ZC3H8: variants seen among roughly 807,000 people sequenced by gnomAD.
ZC3H8 encodes the protein zinc finger CCCH-type containing 8.
A neutral mutation model predicts 42.5 loss-of-function variants in ZC3H8; 27 were observed. That is an observed-to-expected ratio of 0.64 (90% CI 0.47 to 0.88). The LOEUF is 0.88. ZC3H8 is among the 40% of genes least tolerant of loss of function. The pLI is 0.00. For missense variants in ZC3H8, 277 were observed against 336.1 expected, an observed-to-expected ratio of 0.82 and a Z score of 1.37; for synonymous variants, 101 against 110.1, an observed-to-expected ratio of 0.92 and a Z score of 0.52.
chr2:112,238,627 T>G, intron 2 of ZC3H8, 99 bp from the exon 3 acceptor site: 1 of 908,440 alleles, frequency 1.1e-6, no homozygotes, highest in African/African-American at 1.7e-5. Context: ...TGGTCATTGT[T>G]GAAGGTGGGT....
At position 112,231,895 on chromosome 2, in the gene ZC3H8, T is replaced by C. The variant is rs773511770; in HGVS notation, c.786A>G (p.Glu262=). 5.7e-6 allele frequency: 9 copies of C among 1,591,026 alleles called. No homozygotes were observed. The highest frequency in any genetic ancestry group is 3.4e-5 in the Admixed American group (2 of 59,392). The change falls in exon 7 of 9, where the codon GAA becomes GAG. Residue 262 remains glutamate, a synonymous_variant. Coordinates refer to ENST00000409573, the MANE Select transcript of ZC3H8 (RefSeq NM_032494.3). ...YHTGTKCYQG[E]YCKFSHAPLT... ...GTGGAGCATGAGAAAACTTGCAGTA[T>C]TCTCCCTGATAACATTTTGTTCCTG...
chr2:112,253,380 A>AG (rs1346442859), intron 1 of ZC3H8, among the ~76,000 whole-genome samples: 1 of 152,238 alleles, frequency 6.6e-6, no homozygotes, highest in Non-Finnish European at 1.5e-5. Context: ...TGAATGAATG[A>AG]GAAGTATTCC....
chr2:112,235,513 T>C (rs994924182), intron 4 of ZC3H8, among the ~76,000 whole-genome samples: 7 of 152,134 alleles, frequency 4.6e-5, no homozygotes, highest in Admixed American at 1.3e-4. Flanking sequence ...TCATAAAATA[T>C]GGAGGCAGGG....
chr2:112,255,037 G>T lies in ZC3H8; in HGVS notation c.-56C>A. On this transcript the variant is annotated 5_prime_UTR_variant, in exon 1 of 9. Coordinates refer to ENST00000409573, the MANE Select transcript of ZC3H8 (RefSeq NM_032494.3). ...GGGAAGCTACAGAGTAACAACCCGAGAGAGTGACAACCCGGACGCGACGAG... is the reference window on the plus strand; with the variant it reads ...GGGAAGCTACAGAGTAACAACCCGATAGAGTGACAACCCGGACGCGACGAG... 6.5e-7 allele frequency: 1 copy of T among 1,537,044 alleles called. No homozygotes were observed.
At chr2:112,230,479 T>TAAAC (rs1173857796) in intron 8 of ZC3H8, among the ~76,000 whole-genome samples, 6 of 152,076 alleles carry the variant, frequency 3.9e-5, no homozygotes, top group Non-Finnish European at 7.4e-5. Context: ...ATAACTAATA[T>TAAAC]AAACATAAAG....
intron 4 of ZC3H8, among the ~76,000 whole-genome samples, chr2:112,236,007 G>A (rs745390319): frequency 4.1e-4 from 62 of 151,954 alleles, no homozygotes; most frequent in Non-Finnish European, 6.9e-4. Context: ...CAGCACTTAG[G>A]GAGGTGGTGG....
At chr2:112,252,387 T>C (rs187920606) in intron 1 of ZC3H8, among the ~76,000 whole-genome samples, 75 of 152,350 alleles carry the variant, frequency 4.9e-4, no homozygotes, top group African/African-American at 1.8e-3. Context: ...CAGTTTATTC[T>C]ATCTTCAACA....
rs568609349 is a variant in ZC3H8 at position 112,248,568 on chromosome 2, G to A, written c.156+1623C>T. Among the ~76,000 whole-genome samples the A allele has an allele frequency of 2.8e-4, 42 of 151,984 alleles. No individual in the cohort carries two copies. In the South Asian group the frequency reaches 7.1e-3, roughly 26 times the overall value. On this transcript the variant is annotated intron_variant, in intron 2 of 8. Coordinates refer to ENST00000409573, the MANE Select transcript of ZC3H8 (RefSeq NM_032494.3). ...TGCAATGGCATGATATCGGCTCACCGCAACCTCTGCCTCCCGGGTTTAAGC... is the reference window on the plus strand; with the variant it reads ...TGCAATGGCATGATATCGGCTCACCACAACCTCTGCCTCCCGGGTTTAAGC...
intron 2 of ZC3H8, among the ~76,000 whole-genome samples, chr2:112,249,350 C>T (rs1685866014): frequency 6.6e-6 from 1 of 152,168 alleles, no homozygotes; most frequent in Non-Finnish European, 1.5e-5. Flanking sequence ...TAGATTCTTC[C>T]CCACAGCCTC....
At position 112,227,879 on chromosome 2, in the gene ZC3H8, C is replaced by T. The variant is rs192820041; in HGVS notation, c.*15+3024G>A. ...TCAGAATTCTATGTGCAATTTTCCA[C>T]AGATGCAATGCAATCCCTATCAAAA... On this transcript the variant is annotated intron_variant, in intron 8 of 8. Coordinates refer to ENST00000409573, the MANE Select transcript of ZC3H8 (RefSeq NM_032494.3). Among the ~76,000 whole-genome samples, 576 of 122,204 alleles carry T rather than the reference C, an allele frequency of 4.7e-3. 7 individuals are homozygous for T. Among genetic ancestry groups the T allele is most frequent in the African/African-American group, 0.014 (558 of 39,286 alleles). The allele number at this position is 122,204 out of a possible 152,430, so 80.2% of individuals were successfully genotyped here.
intron 2 of ZC3H8, among the ~76,000 whole-genome samples, chr2:112,246,348 G>C (rs1034046895): frequency 1.3e-5 from 2 of 152,150 alleles, no homozygotes; most frequent in Non-Finnish European, 2.9e-5. Context: ...ACTTTTTAAG[G>C]TTATAGTAGC....
rs1444645232 is a variant in ZC3H8, at chr2:112,214,452, T to G, written c.*2032A>C. ...ACTTTCTGGCTTTATTTCTCCTGGT[T>G]TGAATTTTTTAGACTATGGTTTTAT... is the stretch of plus-strand genomic sequence containing the variant. On this transcript the variant is annotated 3_prime_UTR_variant, in exon 9 of 9. Transcript: ENST00000409573. The G allele has an allele frequency of 2.0e-5, 3 of 152,106 alleles. No individual in the cohort carries two copies. Among genetic ancestry groups the G allele is most frequent in the Non-Finnish European group, 4.4e-5 (3 of 68,024 alleles). The allele number at this position is 152,106 out of a possible 1,614,324, so 9.4% of individuals were successfully genotyped here.
intron 2 of ZC3H8, among the ~76,000 whole-genome samples, chr2:112,241,906 G>A (rs1685599421): frequency 6.6e-6 from 1 of 152,162 alleles, no homozygotes; most frequent in African/African-American, 2.4e-5. Context: ...TAAAAAACTT[G>A]AAAAGGGGTC....
At chr2:112,241,662 C>A (rs2104664030) in intron 2 of ZC3H8, among the ~76,000 whole-genome samples, 1 of 152,336 alleles carries the variant, frequency 6.6e-6, no homozygotes, top group African/African-American at 2.4e-5. Flanking sequence ...CTGTCACTAA[C>A]ACAAATCACA....
In ZC3H8 at chr2:112,255,010, C is replaced by T. The variant is rs757090084; in HGVS notation, c.-29G>A. The T allele has an allele frequency of 1.9e-6, 3 of 1,582,106 alleles. No individual in the cohort carries two copies. In the African/African-American group the frequency reaches 4.0e-5, roughly 21 times the overall value. ...CCAGACAGGTCCTCCCTTTCGCGAG[C>T]CGGGAAGCTACAGAGTAACAACCCG... On this transcript the variant is annotated 5_prime_UTR_variant, in exon 1 of 9. Coordinates refer to ENST00000409573, the MANE Select transcript of ZC3H8 (RefSeq NM_032494.3).
chr2:112,235,410 T>C (rs1007517436), intron 4 of ZC3H8, among the ~76,000 whole-genome samples: 13 of 152,180 alleles, frequency 8.5e-5, no homozygotes, highest in Non-Finnish European at 1.5e-4. Context: ...AAAGAGAATA[T>C]TGACAGGGGG....
rs199963373 is a variant in ZC3H8 at position 112,233,642 on chromosome 2, C to T, written c.622-271G>A. Among the ~76,000 whole-genome samples the T allele has an allele frequency of 4.6e-5, 7 of 152,038 alleles. No individual in the cohort carries two copies. The East Asian group carries it at 1.3e-3, about 29-fold the overall frequency. On this transcript the variant is annotated intron_variant, in intron 5 of 8. Transcript: ENST00000409573. ...CCAGCACTTTGGAGGCCGAGGTGCG[C>T]GGATCATGAGGTCAGGAGATCGAGA...
At position 112,253,081 on chromosome 2, in the gene ZC3H8, C is replaced by G. The variant is rs1293944410; in HGVS notation, c.74+1827G>C. On this transcript the variant is annotated intron_variant, in intron 1 of 8. Coordinates refer to ENST00000409573, the MANE Select transcript of ZC3H8 (RefSeq NM_032494.3). ...CCCGGAAGGCAGAGCTTGCAGTGAG[C>G]CGAGATCGCGCCACTGCACCCCAGC... 2.6e-5 allele frequency among the ~76,000 whole-genome samples: 4 copies of G among 152,130 alleles called. No individual in the cohort carries two copies. In the East Asian group the frequency reaches 7.7e-4, roughly 29 times the overall value.
intron 8 of ZC3H8, among the ~76,000 whole-genome samples, chr2:112,228,752 A>G (rs1331442274): frequency 6.6e-6 from 1 of 152,230 alleles, no homozygotes; most frequent in African/African-American, 2.4e-5. Flanking sequence ...TACGACATCA[A>G]AATGAAAACT....
Sources: gnomAD v4.1 joint callset for allele counts (sites outside exome capture counted in the v4.1 genomes callset) on GRCh38, gnomAD v4.1.1 for gene constraint, MANE v1.5 for transcripts, NCBI Gene and HGNC (gene_info 2026-07-23, HGNC 2026-07-21) for gene names.